The following RIN3 variants were observed in gnomAD, a reference collection of about 807,000 sequenced individuals.
RIN3 encodes Ras and Rab interactor 3, also known as RAB5 interacting protein 3.
A neutral mutation model predicts 76.3 loss-of-function variants in RIN3; 54 were observed. The observed-to-expected ratio is 0.71, with a 90% CI of 0.57 to 0.89. The LOEUF (loss-of-function observed/expected upper bound fraction) is 0.89. RIN3 is among the 40% of genes least tolerant of loss of function. RIN3 has a pLI of 0.00. For synonymous variants in RIN3, 576 were observed against 564.0 expected (o/e 1.02, Z -0.30); for missense variants, 1,256 against 1,322.1 (o/e 0.95, Z 0.78).
Position 92,615,890 on chromosome 14 carries a change from G to A in RIN3, c.440+411G>A, listed in dbSNP as rs141171902. ...TAAGCAGCTGCTGGGTGGAGCGGGTGTCTGCTAACCACCCTGAGAACTGCC... is the reference window on the plus strand; with the variant it reads ...TAAGCAGCTGCTGGGTGGAGCGGGTATCTGCTAACCACCCTGAGAACTGCC... On this transcript the variant is annotated intron_variant, in intron 4 of 9. Coordinates refer to ENST00000216487, the MANE Select transcript of RIN3 (RefSeq NM_024832.5). 3.0e-3 allele frequency: 550 copies of A among 183,704 alleles called. 2 individuals carry two copies. Among genetic ancestry groups the A allele is most frequent in the African/African-American group, 0.012 (518 of 42,642 alleles). The allele number at this position is 183,704 out of a possible 1,614,324, so 11.4% of individuals were successfully genotyped here.
intron 4 of RIN3, among the ~76,000 whole-genome samples, chr14:92,634,071 T>C (rs1463035919): frequency 9.3e-4 from 11 of 11,828 alleles, no homozygotes; most frequent in African/African-American, 2.9e-3. Flanking sequence ...AAAATCCCTT[T>C]TTTTTTTTTT....
rs564861528 is a variant in RIN3 at position 92,598,885 on chromosome 14, C to CACTG, written c.368-16517_368-16514dup. Among the ~76,000 whole-genome samples, 4 of 152,302 alleles carry CACTG rather than the reference C, an allele frequency of 2.6e-5. No individual in the cohort carries two copies. In the South Asian group the frequency reaches 8.3e-4, roughly 32 times the overall value. On this transcript the variant is annotated intron_variant, in intron 3 of 9. Transcript: ENST00000216487. The stretch of plus-strand genomic sequence containing the variant: ...AGGAAGGACCCCCACCACCCCACAA[C>CACTG]ACTGACTGGTGAGTGAGACCCCAGG...
rs1430053601 is a variant in RIN3 at position 92,659,381 on chromosome 14, G to C, written c.2247G>C (p.Met749Ile). 2 of 1,613,398 alleles carry C rather than the reference G, an allele frequency of 1.2e-6. No individual in the cohort carries two copies. Among genetic ancestry groups the C allele is most frequent in the Non-Finnish European group, 1.7e-6 (2 of 1,179,670 alleles). The stretch of plus-strand genomic sequence containing the variant: ...AGATCCTGCAGAAGTTCACCAGCAT[G>C]CACAAGGCCTACTCACCTGAGAAGA... ...MEKILQKFTS[M>I]HKAYSPEKKI... Residue 749 changes from methionine to isoleucine, a missense_variant, in exon 7 of 10, where the codon ATG becomes ATC. Physicochemically the swap from Met to Ile is conservative, Grantham distance 10 (BLOSUM62 1). Transcript: ENST00000216487.
intron 4 of RIN3, among the ~76,000 whole-genome samples, chr14:92,633,856 GGT>G (rs33912278): frequency 0.43 from 62,962 of 146,738 alleles, 13,566 homozygotes; most frequent in Admixed American, 0.54. Flanking sequence ...TTGTTTTAGT[GGT>G]GTGTGTGTGT....
intron 7 of RIN3, among the ~76,000 whole-genome samples, chr14:92,660,894 G>A (rs548459445): frequency 3.9e-4 from 60 of 152,330 alleles, no homozygotes; most frequent in African/African-American, 7.9e-4. Context: ...TTCAGCTGGT[G>A]CCCTTGTGCA....
At chr14:92,610,405 C>T (rs557228536) in intron 3 of RIN3, among the ~76,000 whole-genome samples, 2 of 152,244 alleles carry the variant, frequency 1.3e-5, no homozygotes, top group East Asian at 3.9e-4. Flanking sequence ...TGGATCTTAA[C>T]ACCTGAAGGC....
At chr14:92,651,266 CA>C (rs1887407468) in intron 5 of RIN3, among the ~76,000 whole-genome samples, 1 of 152,136 alleles carries the variant, frequency 6.6e-6, no homozygotes, top group Non-Finnish European at 1.5e-5. Flanking sequence ...TGTCACCCCC[CA>C]CCCTGTGTCA....
intron 7 of RIN3, among the ~76,000 whole-genome samples, chr14:92,674,902 A>AG: frequency 6.6e-6 from 1 of 151,878 alleles, no homozygotes; most frequent in East Asian, 1.9e-4. Flanking sequence ...AAAAAAAAAA[A>AG]AAAGGGAAAA....
intron 1 of RIN3, among the ~76,000 whole-genome samples, chr14:92,546,016 C>G (rs1897255848): frequency 1.3e-5 from 2 of 151,840 alleles, no homozygotes; most frequent in African/African-American, 2.4e-5. Context: ...ACCTCTGCTT[C>G]CCGGGTTTAA....
rs374194865 is a variant in RIN3, at chr14:92,652,669, G to A, written c.1620G>A (p.Val540=). 3.9e-5 allele frequency: 63 copies of A among 1,612,506 alleles called. No homozygotes were observed. Among genetic ancestry groups the A allele is most frequent in the African/African-American group, 1.5e-4 (11 of 74,904 alleles). The part of the protein sequence containing the change: ...SLASLSDSLG[V]SVMATDQDSY... ...CCTCCCTCTCAGACAGCTTGGGGGT[G>A]TCTGTCATGGCCACCGACCAGGACT... The change falls in exon 6 of 10, where the codon GTG becomes GTA. Residue 540 remains valine (V), a synonymous_variant. Coordinates refer to ENST00000216487, the MANE Select transcript of RIN3 (RefSeq NM_024832.5). The surrounding 1 kb of genome is among the most constrained non-coding windows in gnomAD (Gnocchi z 6.4).
chr14:92,610,892 A>G (rs1427311063), intron 3 of RIN3, among the ~76,000 whole-genome samples: 1 of 152,170 alleles, frequency 6.6e-6, no homozygotes, highest in Non-Finnish European at 1.5e-5. Context: ...CATGTGTAAA[A>G]TGACAGTTTA....
intron 3 of RIN3, among the ~76,000 whole-genome samples, chr14:92,595,253 T>G (rs1038768578): frequency 3.3e-5 from 5 of 152,208 alleles, no homozygotes; most frequent in African/African-American, 9.6e-5. Context: ...GGAATGGCAT[T>G]GCAGGCAATG....
intron 7 of RIN3, among the ~76,000 whole-genome samples, chr14:92,662,326 C>T (rs185522083): frequency 1.3e-5 from 2 of 152,170 alleles, no homozygotes; most frequent in Non-Finnish European, 2.9e-5. Context: ...GACAGAGCCC[C>T]GGGGGACCCT....
chr14:92,573,911 AG>A (rs1262822490), intron 2 of RIN3, among the ~76,000 whole-genome samples: 1 of 152,204 alleles, frequency 6.6e-6, no homozygotes, highest in Non-Finnish European at 1.5e-5. Flanking sequence ...AGCTCCAAGT[AG>A]GGTGACAATT....
intron 1 of RIN3, among the ~76,000 whole-genome samples, chr14:92,549,038 T>G (rs1384066918): frequency 6.6e-6 from 1 of 152,142 alleles, no homozygotes; most frequent in Non-Finnish European, 1.5e-5. Context: ...CTGCACTCCC[T>G]CTGTGTACTC....
chr14:92,574,489 G>A (rs573454233), intron 2 of RIN3, among the ~76,000 whole-genome samples: 7 of 152,246 alleles, frequency 4.6e-5, no homozygotes, highest in East Asian at 1.9e-4. Context: ...CACAGCTGCC[G>A]GCATTCACCC....
rs540846877 is a variant in RIN3 at position 92,615,522 on chromosome 14, A to G, written c.440+43A>G. On this transcript the variant is annotated intron_variant, in intron 4 of 9. Transcript: ENST00000216487. The stretch of plus-strand genomic sequence containing the variant: ...TGCAGGAGGTTATCTGGTTGTAGCA[A>G]ACATCACATGCAACCCTGGGTGGGT... The G allele has an allele frequency of 7.9e-6, 12 of 1,520,106 alleles. No individual in the cohort carries two copies. In the African/African-American group the frequency reaches 1.2e-4, roughly 16 times the overall value. The allele number at this position is 1,520,106 out of a possible 1,614,324, so 94.2% of individuals were successfully genotyped here.
chr14:92,676,836 T>G (rs1181931748), intron 8 of RIN3, among the ~76,000 whole-genome samples: 1 of 152,068 alleles, frequency 6.6e-6, no homozygotes, highest in Non-Finnish European at 1.5e-5. Flanking sequence ...TAACAAGTGC[T>G]GGAATAGTTG....
At chr14:92,630,230 C>T (rs959340022) in intron 4 of RIN3, among the ~76,000 whole-genome samples, 2 of 152,184 alleles carry the variant, frequency 1.3e-5, no homozygotes, top group African/African-American at 4.8e-5. Context: ...GTGGCTCACA[C>T]CTGTAATCCC....
Sources: allele counts gnomAD v4.1 joint callset (sites outside exome capture counted in the v4.1 genomes callset), GRCh38; gene constraint gnomAD v4.1.1; non-coding constraint Gnocchi (gnomAD v3.1); transcripts MANE v1.5; gene names NCBI Gene and HGNC (gene_info 2026-07-23, HGNC 2026-07-21).